The following TMEM265 variants were observed in gnomAD, a reference collection of about 807,000 sequenced individuals.
The protein encoded by TMEM265 is transmembrane protein 265.
TMEM265 carries 8 observed loss-of-function variants against 9.5 expected under a neutral mutation model. The observed-to-expected ratio is 0.84, with a 90% CI of 0.49 to 1.52. The LOEUF is 1.52. Ranked by LOEUF, TMEM265 falls within the 40% of genes most tolerant of loss-of-function variation. The pLI, the probability that TMEM265 is intolerant of heterozygous loss-of-function variation, is 0.00. For missense variants in TMEM265, 152 were observed against 146.2 expected (o/e 1.04, Z -0.21); for synonymous variants, 53 against 56.9 (o/e 0.93, Z 0.31).
chr16:30,743,850 C>T lies in TMEM265; in HGVS notation c.234C>T (p.Leu78=). 1 of 1,533,798 alleles carries T rather than the reference C, an allele frequency of 6.5e-7. No homozygotes were observed. The highest frequency in any genetic ancestry group is 8.7e-7 in the Non-Finnish European group (1 of 1,146,654). Residue 78 remains leucine (L), a synonymous_variant, in exon 3 of 3, where the codon CTC becomes CTT. Coordinates refer to ENST00000615541, the MANE Select transcript of TMEM265 (RefSeq NM_001256829.2). ...AVRWGARARK[L]ILASFAVWLA... ...GCTGGGGGGCCCGGGCCCGGAAACTCATCCTGGCCAGCTTTGCTGTCTGGC... is the reference window on the plus strand; with the variant it reads ...GCTGGGGGGCCCGGGCCCGGAAACTTATCCTGGCCAGCTTTGCTGTCTGGC...
At position 30,743,774 on chromosome 16, in the gene TMEM265, C is replaced by A; in HGVS notation, c.166-8C>A. On this transcript the variant is annotated splice_region_variant and splice_polypyrimidine_tract_variant and intron_variant, in intron 2 of 2. Coordinates refer to ENST00000615541, the MANE Select transcript of TMEM265 (RefSeq NM_001256829.2). ...GGGGAGAACCTAACCAAGAACCTGC[C>A]CCCACAGGCGGAAGAGCGGCATAAA... The A allele has an allele frequency of 6.6e-7, 1 of 1,518,884 alleles. No homozygotes were observed. Among genetic ancestry groups the A allele is most frequent in the South Asian group, 1.2e-5 (1 of 82,432 alleles). The allele number at this position is 1,518,884 out of a possible 1,614,324, so 94.1% of individuals were successfully genotyped here.
At chr16:30,742,943 A>T (rs1418929229) in intron 2 of TMEM265, among the ~76,000 whole-genome samples, 1 of 151,320 alleles carries the variant, frequency 6.6e-6, no homozygotes, top group East Asian at 1.9e-4. Context: ...AAAAAAACAA[A>T]AAAAAACAGC....
intron 2 of TMEM265, among the ~76,000 whole-genome samples, 177 bp downstream of exon 2, chr16:30,742,085 T>G (rs1235352559): frequency 6.6e-6 from 1 of 151,676 alleles, no homozygotes; most frequent in Non-Finnish European, 1.5e-5. Context: ...ATGAAAGAGG[T>G]GACAGTGAAA....
At chr16:30,742,924 C>CA (rs11300181) in intron 2 of TMEM265, among the ~76,000 whole-genome samples, 17 of 114,676 alleles carry the variant, frequency 1.5e-4, no homozygotes, top group Admixed American at 4.4e-4. Context: ...GACTCTGTCT[C>CA]AAAAAAAAAA....
Position 30,744,173 on chromosome 16 carries a change from TC to T in TMEM265, c.*234del. 2.2e-6 allele frequency: 1 copy of T among 447,926 alleles called. No homozygotes were observed. Among genetic ancestry groups the T allele is most frequent in the Non-Finnish European group, 3.9e-6 (1 of 259,444 alleles). The allele number at this position is 447,926 out of a possible 1,614,324, so 27.7% of individuals were successfully genotyped here. On this transcript the variant is annotated 3_prime_UTR_variant, in exon 3 of 3. Transcript: ENST00000615541. ...TCTTTCAGGGCCCCCCACCCCCATC[TC>T]CCCTACCCTAGCCCACCCTAGGGCC...
In TMEM265 at chr16:30,744,536, G is replaced by A. The variant is rs2053244786; in HGVS notation, c.*593G>A. On this transcript the variant is annotated 3_prime_UTR_variant, in exon 3 of 3. Transcript: ENST00000615541. ...TTTATTACTTACTATATTCCAGGCT[G>A]TGTTCTAAGCACTTTATATTTCTTA... 1 of 152,138 alleles carries A rather than the reference G, an allele frequency of 6.6e-6. No individual in the cohort carries two copies. Among genetic ancestry groups the A allele is most frequent in the Non-Finnish European group, 1.5e-5 (1 of 68,034 alleles). 9.4% of individuals were successfully genotyped at this position (152,138 alleles called of 1,614,324 possible).
chr16:30,741,772 T>A lies in TMEM265; in HGVS notation c.29T>A (p.Ile10Asn), dbSNP rs1346328029. ...GAGGACGAGGAGAAGGCAGTGGAGA[T>A]CTTGGGCAACACGGAAGCTGCTCAT... MEDEEKAVE[I>N]LGNTEAAHPP... is the part of the protein sequence containing the mutation. Residue 10 changes from isoleucine to asparagine, a missense_variant, in exon 2 of 3, where the codon ATC becomes AAC. Coordinates refer to ENST00000615541, the MANE Select transcript of TMEM265 (RefSeq NM_001256829.2). 2 of 1,533,900 alleles carry A rather than the reference T, an allele frequency of 1.3e-6. No homozygotes were observed.
rs377025787 is a variant in TMEM265 at position 30,743,387 on chromosome 16, G to GA, written c.166-385dup. Among the ~76,000 whole-genome samples the GA allele has an allele frequency of 1.6e-3, 240 of 147,136 alleles. 6 individuals carry two copies. Among genetic ancestry groups the GA allele is most frequent in the African/African-American group, 4.8e-3 (194 of 40,232 alleles). The stretch of plus-strand genomic sequence containing the variant: ...CAGGAGTGAAACTGTCTCAAAAAAA[G>GA]AAAAAAAAAAGATGGAAAAGATGAG... On this transcript the variant is annotated intron_variant, in intron 2 of 2. Transcript: ENST00000615541.
chr16:30,743,161 C>T (rs1241990663), intron 2 of TMEM265, among the ~76,000 whole-genome samples: 1 of 151,980 alleles, frequency 6.6e-6, no homozygotes, highest in Non-Finnish European at 1.5e-5. Flanking sequence ...CCGAGGTGGG[C>T]AGATCACTTG....
rs1031028376 is a variant in TMEM265, at chr16:30,743,824, C to T, written c.208C>T (p.Arg70Cys). Reference sequence around the variant, plus strand: ...AGCAGGCCGGTCCGAGGAGGCAGTGCGCTGGGGGGCCCGGGCCCGGAAACT... The same window carrying T: ...AGCAGGCCGGTCCGAGGAGGCAGTGTGCTGGGGGGCCCGGGCCCGGAAACT... Reference protein sequence around the residue: ...HKAGRSEEAVRWGARARKLIL... With the variant: ...HKAGRSEEAVCWGARARKLIL... Residue 70 changes from arginine (R) to cysteine (C), a missense_variant, in exon 3 of 3, where the codon CGC (arginine) becomes TGC (cysteine). Physicochemically the swap from Arg to Cys is radical, Grantham distance 180. Coordinates refer to ENST00000615541, the MANE Select transcript of TMEM265 (RefSeq NM_001256829.2). The T allele has an allele frequency of 2.0e-5, 31 of 1,533,438 alleles. No homozygotes were observed. The highest frequency in any genetic ancestry group is 1.4e-4 in the African/African-American group (10 of 72,866). The allele number at this position is 1,533,438 out of a possible 1,614,324, so 95.0% of individuals were successfully genotyped here. A position where few individuals can be genotyped will look rare whatever the true frequency, so the allele number is the denominator to read the frequency against.
Position 30,741,730 on chromosome 16 carries a change from A to G in TMEM265, c.-3-11A>G. 5 of 1,530,910 alleles carry G rather than the reference A, an allele frequency of 3.3e-6. No individual in the cohort carries two copies. The highest frequency in any genetic ancestry group is 2.4e-5 in the East Asian group (1 of 40,864). The allele number at this position is 1,530,910 out of a possible 1,614,324, so 94.8% of individuals were successfully genotyped here. On this transcript the variant is annotated splice_polypyrimidine_tract_variant and intron_variant, in intron 1 of 2. Transcript: ENST00000615541. ...TGTTGGGCTCACAAGTACCTTGACT[A>G]TCGCCCACAGGTGATGGAGGACGAG...
At position 30,744,202 on chromosome 16, in the gene TMEM265, T is replaced by G; in HGVS notation, c.*259T>G. On this transcript the variant is annotated 3_prime_UTR_variant, in exon 3 of 3. Coordinates refer to ENST00000615541, the MANE Select transcript of TMEM265 (RefSeq NM_001256829.2). ...CTACCCTAGCCCACCCTAGGGCCTCTACCCAGCGGGAGGGGTTGAAGACCA... is the reference window on the plus strand; with the variant it reads ...CTACCCTAGCCCACCCTAGGGCCTCGACCCAGCGGGAGGGGTTGAAGACCA... 1.4e-5 allele frequency: 5 copies of G among 361,796 alleles called. No homozygotes were observed. Among genetic ancestry groups the G allele is most frequent in the Non-Finnish European group, 2.5e-5 (5 of 202,916 alleles). The allele number at this position is 361,796 out of a possible 1,614,324, so 22.4% of individuals were successfully genotyped here.
At chr16:30,740,852 T>G (rs1212720862) in intron 1 of TMEM265, 145 bp downstream of exon 1, 1 of 152,324 alleles carries the variant, frequency 6.6e-6, no homozygotes, top group Non-Finnish European at 1.5e-5. Flanking sequence ...TTCTTTGCTC[T>G]CTACTTGTCT....
chr16:30,743,840 C>G lies in TMEM265; in HGVS notation c.224C>G (p.Ala75Gly). The change falls in exon 3 of 3, where the codon GCC (alanine) becomes GGC (glycine). Residue 75 changes from alanine (A) to glycine (G), a missense_variant. By Grantham distance (60) the Ala-to-Gly change is moderately conservative. Coordinates refer to ENST00000615541, the MANE Select transcript of TMEM265 (RefSeq NM_001256829.2). ...SEEAVRWGARARKLILASFAV... is the reference protein window; with the variant it reads ...SEEAVRWGARGRKLILASFAV... ...GAGGCAGTGCGCTGGGGGGCCCGGG[C>G]CCGGAAACTCATCCTGGCCAGCTTT... 2.0e-6 allele frequency: 3 copies of G among 1,533,872 alleles called. No individual in the cohort carries two copies. The highest frequency in any genetic ancestry group is 2.6e-6 in the Non-Finnish European group (3 of 1,146,700).
At chr16:30,743,389 A>C (rs2053236788) in intron 2 of TMEM265, among the ~76,000 whole-genome samples, 1 of 151,514 alleles carries the variant, frequency 6.6e-6, no homozygotes, top group African/African-American at 2.4e-5. Flanking sequence ...CAAAAAAAGA[A>C]AAAAAAAAGA....
intron 2 of TMEM265, among the ~76,000 whole-genome samples, chr16:30,742,592 G>A (rs1034713104): frequency 6.6e-6 from 1 of 152,134 alleles, no homozygotes. Context: ...AAGACACTTG[G>A]GTTTTTGAGA....
At chr16:30,741,639 C>T (rs2053226342) in intron 1 of TMEM265, 102 bp from the exon 2 acceptor site, 5 of 1,291,376 alleles carry the variant, frequency 3.9e-6, no homozygotes, top group Non-Finnish European at 5.2e-6. Context: ...GAGTGCCAGG[C>T]TAGGCCATGA....
chr16:30,742,648 C>T (rs1250069717), intron 2 of TMEM265, among the ~76,000 whole-genome samples: 2 of 151,986 alleles, frequency 1.3e-5, no homozygotes, highest in East Asian at 1.9e-4. Flanking sequence ...CACATGTCCG[C>T]CGGGCGTGGT....
At chr16:30,741,455 C>T (rs918403846) in intron 1 of TMEM265, 2 of 317,926 alleles carry the variant, frequency 6.3e-6, no homozygotes, top group Non-Finnish European at 1.2e-5. Flanking sequence ...GTGCACCTGT[C>T]ATTTGGCTTC....
Sources: allele counts gnomAD v4.1 joint callset (sites outside exome capture counted in the v4.1 genomes callset), GRCh38; gene constraint gnomAD v4.1.1; transcripts MANE v1.5; gene names NCBI Gene and HGNC (gene_info 2026-07-23, HGNC 2026-07-21).